CPZ: variants seen among roughly 807,000 people sequenced by gnomAD.
The protein encoded by CPZ is VEZT/CPZ fusion.
Under a neutral mutation model 61.8 loss-of-function variants are expected in CPZ, and 103 were observed. The observed-to-expected ratio is 1.67, with a 90% CI of 1.42 to 1.96. CPZ has a LOEUF of 1.96. Ranked by LOEUF, CPZ falls within the 30% of genes most tolerant of loss-of-function variation. The pLI is 0.00. For synonymous variants in CPZ, 551 were observed against 373.7 expected (o/e 1.47, Z -5.47); for missense variants, 1,461 against 914.9 (o/e 1.60, Z -7.70).
rs566529731 is a variant in CPZ at position 8,615,293 on chromosome 4, G to A, written c.1503+795G>A. On this transcript the variant is annotated intron_variant, in intron 9 of 10. Coordinates refer to ENST00000360986, the MANE Select transcript of CPZ (RefSeq NM_001014447.3). ...TCTCCCTAGCACTCAGTGTGAGAGT[G>A]GGGACTCTGTGCCCATGTCTGCTCC... 4.1e-4 allele frequency among the ~76,000 whole-genome samples: 63 copies of A among 152,240 alleles called. 1 individual carries two copies. Among genetic ancestry groups the A allele is most frequent in the African/African-American group, 1.5e-3 (63 of 41,524 alleles).
At chr4:8,593,418 C>T (rs1048767258) in intron 1 of CPZ, among the ~76,000 whole-genome samples, 3 of 152,012 alleles carry the variant, frequency 2.0e-5, no homozygotes, top group Admixed American at 1.3e-4. Flanking sequence ...GGGGCGTGGG[C>T]CCCCTGGAGG....
At position 8,599,622 on chromosome 4, in the gene CPZ, C is replaced by A. The variant is rs527648702; in HGVS notation, c.121+137C>A. ...ACACAGCCCATTAATCAAACTAGAACCCCCTCGTAAACAGCCAGAGAAAAA... is the reference window on the plus strand; with the variant it reads ...ACACAGCCCATTAATCAAACTAGAAACCCCTCGTAAACAGCCAGAGAAAAA... On this transcript the variant is annotated intron_variant, in intron 2 of 10. Transcript: ENST00000360986. 3.4e-6 allele frequency: 5 copies of A among 1,485,892 alleles called. No homozygotes were observed. The African/African-American group carries it at 4.2e-5, about 13-fold the overall frequency. 92.0% of individuals were successfully genotyped at this position (1,485,892 alleles called of 1,614,324 possible). A position where few individuals can be genotyped will look rare whatever the true frequency, so the allele number is the denominator to read the frequency against.
chr4:8,619,217 G>A lies in CPZ; in HGVS notation c.1604-45G>A, dbSNP rs111387731. On this transcript the variant is annotated intron_variant, in intron 10 of 10. Transcript: ENST00000360986. ...CCATCACCCATCACCCCGTGGCTGG[G>A]TCTGCAGTCCTCGTGAGAATCATTT... is the stretch of plus-strand genomic sequence containing the variant. 22 of 1,527,704 alleles carry A rather than the reference G, an allele frequency of 1.4e-5. No individual in the cohort carries two copies. The African/African-American group carries it at 2.5e-4, about 17-fold the overall frequency. The allele number at this position is 1,527,704 out of a possible 1,614,324, so 94.6% of individuals were successfully genotyped here.
rs765532026 is a variant in CPZ at position 8,605,985 on chromosome 4, C to G, written c.710-4C>G. On this transcript the variant is annotated splice_polypyrimidine_tract_variant and splice_region_variant and intron_variant, in intron 4 of 10. Transcript: ENST00000360986. ...ATGCCCCAAGTCTCTGTATTTGCCC[C>G]CAGTGGAGCCCGAGGTGAAGCTCAT... The G allele has an allele frequency of 1.9e-6, 3 of 1,611,426 alleles. No homozygotes were observed. The highest frequency in any genetic ancestry group is 1.7e-4 in the Middle Eastern group (1 of 6,050).
rs1577133259 is a variant in CPZ at position 8,619,273 on chromosome 4, G to A, written c.1615G>A (p.Asp539Asn). The change falls in exon 11 of 11, where the codon GAC (aspartate) becomes AAC (asparagine). Residue 539 changes from aspartate (D) to asparagine (N), a missense_variant. Transcript: ENST00000360986. ...RHDITTAPDG[D>N]YWRLLPPGIH... is the part of the protein sequence containing the mutation. ...CTATTTGTCCACAGCCCCAGATGGT[G>A]ACTACTGGAGACTGCTGCCCCCAGG... The A allele has an allele frequency of 5.6e-6, 9 of 1,611,014 alleles. No individual in the cohort carries two copies. The East Asian group carries it at 1.1e-4, about 20-fold the overall frequency.
At chr4:8,603,028 G>A (rs1482207436) in intron 3 of CPZ, 1 of 152,420 alleles carries the variant, frequency 6.6e-6, no homozygotes, top group African/African-American at 2.4e-5. Context: ...ACAGCCCTGG[G>A]AAAGCCCAAG....
chr4:8,609,608 T>C (rs538504768), intron 7 of CPZ, among the ~76,000 whole-genome samples: 1 of 152,144 alleles, frequency 6.6e-6, no homozygotes, highest in Non-Finnish European at 1.5e-5. Context: ...TGTCCCCCTC[T>C]GCACAGGCCC....
intron 4 of CPZ, among the ~76,000 whole-genome samples, chr4:8,605,100 A>G (rs1028847385): frequency 1.3e-5 from 2 of 152,200 alleles, no homozygotes; most frequent in Non-Finnish European, 2.9e-5. Flanking sequence ...CAGCGCAGAA[A>G]GCTCCCAGGT....
chr4:8,608,383 T>G (rs190103109), intron 7 of CPZ, among the ~76,000 whole-genome samples: 96 of 152,260 alleles, frequency 6.3e-4, no homozygotes, highest in African/African-American at 1.9e-3. Flanking sequence ...AAGTGCCAGG[T>G]GCCGGGCCCC....
chr4:8,608,128 C>CCCAGCCA (rs1553877364), intron 7 of CPZ, among the ~76,000 whole-genome samples: 5 of 117,652 alleles, frequency 4.2e-5, no homozygotes, highest in Non-Finnish European at 8.7e-5. Context: ...TGAGGTGGGC[C>CCCAGCCA]CCAGCCTCCA....
intron 7 of CPZ, chr4:8,611,198 T>G (rs1715644733): frequency 2.2e-6 from 1 of 455,732 alleles, no homozygotes; most frequent in Non-Finnish European, 4.4e-6. Flanking sequence ...CTGTCCTGCT[T>G]GGTGGGGCCC....
intron 2 of CPZ, chr4:8,600,913 G>T: frequency 7.8e-7 from 1 of 1,283,286 alleles, no homozygotes; most frequent in Non-Finnish European, 9.8e-7. Flanking sequence ...CTGGTGGGTA[G>T]TTGAATCTGG....
Position 8,612,094 on chromosome 4 carries a change from G to A in CPZ, c.1295G>A (p.Arg432Lys), listed in dbSNP as rs778856137. ...ATGATGATGGACAGGTCGGAGAATA[G>A]GTGTGGAGGCAATTTCCTGAAGAGG... ...HPMMMDRSENRCGGNFLKRGS... is the reference protein window; with the variant it reads ...HPMMMDRSENKCGGNFLKRGS... The change falls in exon 8 of 11, where the codon AGG (arginine) becomes AAG (lysine). Residue 432 changes from arginine (R) to lysine (K), a missense_variant. Arg to Lys is a conservative substitution (Grantham distance 26). Transcript: ENST00000360986. 2.5e-5 allele frequency: 40 copies of A among 1,613,100 alleles called. No homozygotes were observed. The highest frequency in any genetic ancestry group is 3.3e-5 in the Admixed American group (2 of 59,910).
chr4:8,594,078 C>T (rs535811762), intron 1 of CPZ, among the ~76,000 whole-genome samples: 6 of 152,214 alleles, frequency 3.9e-5, no homozygotes, highest in African/African-American at 1.4e-4. Flanking sequence ...CTCCTCTGCA[C>T]GCAGGCAGCA....
chr4:8,607,891 AAGG>A (rs1260978198), intron 7 of CPZ, among the ~76,000 whole-genome samples: 1 of 151,884 alleles, frequency 6.6e-6, no homozygotes, highest in African/African-American at 2.4e-5. Context: ...CCGGATGGGG[AAGG>A]AGTTCTGGTC....
chr4:8,614,958 CGA>C (rs1189995378), intron 9 of CPZ, among the ~76,000 whole-genome samples: 2 of 152,038 alleles, frequency 1.3e-5, no homozygotes, highest in African/African-American at 4.8e-5. Context: ...TCAAAACCCT[CGA>C]GAGCCGCTGG....
chr4:8,601,169 C>A lies in CPZ; in HGVS notation c.168C>A (p.Tyr56Ter). The A allele has an allele frequency of 6.2e-7, 1 of 1,605,852 alleles. No homozygotes were observed. The highest frequency in any genetic ancestry group is 8.5e-7 in the Non-Finnish European group (1 of 1,174,466). Residue 56 changes from tyrosine (Y) to a stop codon, truncating the protein, a stop_gained, in exon 3 of 11, where the codon TAC (tyrosine) becomes TAA (stop). Coordinates refer to ENST00000360986, the MANE Select transcript of CPZ (RefSeq NM_001014447.3). LOFTEE classifies it high-confidence loss of function. ...TCAGGACCTGCAGCGATGCCGCCTA[C>A]AACCACACCACCTTCCCCAACCTGC... is the stretch of plus-strand genomic sequence containing the variant. ...LQLRTCSDAA[Y>*]NHTTFPNLLQ...
At chr4:8,614,852 C>T (rs755037570) in intron 9 of CPZ, among the ~76,000 whole-genome samples, 125 of 151,680 alleles carry the variant, frequency 8.2e-4, no homozygotes, top group Non-Finnish European at 1.4e-3. Context: ...AGGAGGCAGC[C>T]GCAGGGCTTC....
chr4:8,596,992 C>T (rs1004269834), intron 1 of CPZ, among the ~76,000 whole-genome samples: 15 of 152,210 alleles, frequency 9.9e-5, no homozygotes, highest in East Asian at 1.9e-4. Context: ...GGCCAGGCCA[C>T]GCTCAGTGCC....
Sources: allele counts gnomAD v4.1 joint callset (sites outside exome capture counted in the v4.1 genomes callset), GRCh38; gene constraint gnomAD v4.1.1; transcripts MANE v1.5; gene names NCBI Gene and HGNC (gene_info 2026-07-23, HGNC 2026-07-21).